The following PKP4 variants were observed in gnomAD, a reference collection of about 807,000 sequenced individuals.
The protein encoded by PKP4 is plakophilin 4.
PKP4 carries 90 observed loss-of-function variants against 145.1 expected under a neutral mutation model. The observed-to-expected ratio is 0.62, with a 90% confidence interval of 0.52 to 0.74. The LOEUF is 0.74. Ranked by LOEUF, PKP4 falls within the 30% of genes least tolerant of loss-of-function variation. PKP4 has a pLI of 0.00. For missense variants in PKP4, 1,340 were observed against 1,482.7 expected, an observed-to-expected ratio of 0.90 and a Z score of 1.58; for synonymous variants, 563 against 577.2, an observed-to-expected ratio of 0.98 and a Z score of 0.35.
chr2:158,609,426 C>T (rs556650356), intron 4 of PKP4, among the ~76,000 whole-genome samples: 8 of 152,294 alleles, frequency 5.3e-5, no homozygotes, highest in Admixed American at 3.3e-4. Flanking sequence ...GTTTCCTATA[C>T]AAAATTTCAC....
intron 1 of PKP4, among the ~76,000 whole-genome samples, chr2:158,462,696 T>A (rs905258593): frequency 1.3e-5 from 2 of 152,114 alleles, no homozygotes; most frequent in Non-Finnish European, 2.9e-5. Flanking sequence ...GTCATTAAGG[T>A]AGTGAGGTGT....
intron 4 of PKP4, among the ~76,000 whole-genome samples, chr2:158,608,455 C>G (rs986613132): frequency 2.0e-5 from 3 of 152,190 alleles, no homozygotes; most frequent in Non-Finnish European, 2.9e-5. Context: ...AGTGGCTAAT[C>G]TCCCCTCGCC....
intron 1 of PKP4, among the ~76,000 whole-genome samples, chr2:158,519,279 G>T (rs1574240457): frequency 6.6e-6 from 1 of 151,864 alleles, no homozygotes; most frequent in South Asian, 2.1e-4. Context: ...TTTCTTCAAG[G>T]CTTCTGGCTG....
intron 3 of PKP4, among the ~76,000 whole-genome samples, chr2:158,588,569 T>C (rs2105812082): frequency 6.6e-6 from 1 of 152,318 alleles, no homozygotes. Context: ...AAAATAACTC[T>C]GGGATATATT....
chr2:158,599,294 G>A (rs2050033660), intron 3 of PKP4, among the ~76,000 whole-genome samples: 1 of 152,200 alleles, frequency 6.6e-6, no homozygotes, highest in Admixed American at 6.5e-5. Context: ...AGTGTCAGTG[G>A]TAGTAGAGAT....
At chr2:158,618,928 A>G (rs1490761675) in intron 4 of PKP4, among the ~76,000 whole-genome samples, 1 of 152,202 alleles carries the variant, frequency 6.6e-6, no homozygotes, top group Non-Finnish European at 1.5e-5. Flanking sequence ...GCTGAGAACT[A>G]TCTGAACATC....
intron 1 of PKP4, among the ~76,000 whole-genome samples, chr2:158,494,939 C>A (rs1361369251): frequency 2.0e-5 from 3 of 151,864 alleles, no homozygotes; most frequent in African/African-American, 4.8e-5. Flanking sequence ...AATGAGGTGG[C>A]CGGGCGCGGT....
intron 4 of PKP4, among the ~76,000 whole-genome samples, chr2:158,614,145 T>A (rs2051379540): frequency 6.6e-6 from 1 of 152,178 alleles, no homozygotes; most frequent in Non-Finnish European, 1.5e-5. Context: ...GTCCTTATTT[T>A]ATAGAGATAC....
chr2:158,500,487 T>C (rs1696390225), intron 1 of PKP4, among the ~76,000 whole-genome samples: 1 of 152,238 alleles, frequency 6.6e-6, no homozygotes, highest in South Asian at 2.1e-4. Flanking sequence ...TTTATAGATA[T>C]TTTGTTTCCC....
At chr2:158,613,978 T>C (rs765242400) in intron 4 of PKP4, among the ~76,000 whole-genome samples, 5 of 152,194 alleles carry the variant, frequency 3.3e-5, no homozygotes, top group Non-Finnish European at 7.3e-5. Flanking sequence ...CCTTTCTAAA[T>C]TGAGGGACTT....
At chr2:158,604,372 TTA>T (rs557501143) in intron 4 of PKP4, among the ~76,000 whole-genome samples, 11 of 152,300 alleles carry the variant, frequency 7.2e-5, no homozygotes, top group African/African-American at 2.6e-4. Context: ...TCCAGGGACT[TTA>T]TACTCTCTCC....
rs192879414 is a variant in PKP4, at chr2:158,608,919, T to G, written c.280+5815T>G. On this transcript the variant is annotated intron_variant, in intron 4 of 21. Coordinates refer to ENST00000389759, the MANE Select transcript of PKP4 (RefSeq NM_003628.6). The stretch of plus-strand genomic sequence containing the variant: ...ACAGCCACCTCCTGGGTTCAAGAGA[T>G]TCTCCTGTCTCTGCCTCCTGAGTAG... Among the ~76,000 whole-genome samples the G allele has an allele frequency of 3.3e-3, 491 of 147,574 alleles. 3 individuals are homozygous for G. Among genetic ancestry groups the G allele is most frequent in the African/African-American group, 0.012 (471 of 40,076 alleles).
intron 17 of PKP4, among the ~76,000 whole-genome samples, chr2:158,673,202 T>G (rs2057716282): frequency 6.6e-6 from 1 of 152,186 alleles, no homozygotes; most frequent in Non-Finnish European, 1.5e-5. Context: ...AGAACGCACA[T>G]TAGTCTACTT....
Position 158,642,672 on chromosome 2 carries a change from G to T in PKP4, c.1882G>T (p.Asp628Tyr), listed in dbSNP as rs1461930283. 1 of 1,608,854 alleles carries T rather than the reference G, an allele frequency of 6.2e-7. No homozygotes were observed. The highest frequency in any genetic ancestry group is 1.1e-5 in the South Asian group (1 of 90,340). The part of the protein sequence containing the change: ...ALLRLLRKSI[D>Y]AEVRELVTGV... ...GTTGCGACTGTTGAGAAAATCTATT[G>T]ATGCAGAAGTAAGGGAGCTTGTTAC... The change falls in exon 11 of 22, where the codon GAT becomes TAT. Residue 628 changes from aspartate (D) to tyrosine (Y), a missense_variant. Coordinates refer to ENST00000389759, the MANE Select transcript of PKP4 (RefSeq NM_003628.6).
chr2:158,680,540 G>A lies in PKP4; in HGVS notation c.3442G>A (p.Val1148Ile). The change falls in exon 22 of 22, where the codon GTT (valine) becomes ATT (isoleucine). Residue 1148 changes from valine to isoleucine, a missense_variant. Coordinates refer to ENST00000389759, the MANE Select transcript of PKP4 (RefSeq NM_003628.6). ...SYEDPYFDDR[V>I]HFPASTDYST... is the part of the protein sequence containing the mutation. ...TGAAGATCCTTATTTTGATGACCGA[G>A]TTCACTTTCCAGCTTCTACTGATTA... The A allele has an allele frequency of 1.2e-6, 2 of 1,614,062 alleles. No homozygotes were observed. Among genetic ancestry groups the A allele is most frequent in the East Asian group, 2.2e-5 (1 of 44,864 alleles).
At chr2:158,498,241 G>C (rs1199101902) in intron 1 of PKP4, among the ~76,000 whole-genome samples, 2 of 152,084 alleles carry the variant, frequency 1.3e-5, no homozygotes, top group African/African-American at 4.8e-5. Context: ...TCCCACCTCA[G>C]CCTGCCAAGT....
chr2:158,580,917 C>T (rs546416886), intron 3 of PKP4, among the ~76,000 whole-genome samples: 36 of 152,326 alleles, frequency 2.4e-4, no homozygotes, highest in Non-Finnish European at 4.6e-4. Context: ...ATGTTAGCTG[C>T]TCAACAGGTA....
Position 158,462,684 on chromosome 2 carries a change from G to A in PKP4, c.-6+5466G>A, listed in dbSNP as rs190174415. Reference sequence around the variant, plus strand: ...CTTCATACTCAGTGAGGCTCATGAAGTGTCATTAAGGTAGTGAGGTGTCAT... The same window carrying A: ...CTTCATACTCAGTGAGGCTCATGAAATGTCATTAAGGTAGTGAGGTGTCAT... On this transcript the variant is annotated intron_variant, in intron 1 of 21. Transcript: ENST00000389759. 2.6e-5 allele frequency among the ~76,000 whole-genome samples: 4 copies of A among 152,258 alleles called. No individual in the cohort carries two copies. In the East Asian group the frequency reaches 7.7e-4, roughly 29 times the overall value.
intron 2 of PKP4, among the ~76,000 whole-genome samples, chr2:158,540,879 C>T (rs1456471586): frequency 1.3e-5 from 2 of 152,132 alleles, no homozygotes; most frequent in Non-Finnish European, 2.9e-5. Context: ...TTAAAGCCAA[C>T]CATGACTTTA....
Sources: allele counts gnomAD v4.1 joint callset (sites outside exome capture counted in the v4.1 genomes callset), GRCh38; gene constraint gnomAD v4.1.1; transcripts MANE v1.5; gene names NCBI Gene and HGNC (gene_info 2026-07-23, HGNC 2026-07-21).